Variants in ZDHHC14 observed in about 807,000 individuals in gnomAD.
ZDHHC14 encodes zDHHC palmitoyltransferase 14, also known as palmitoyltransferase ZDHHC14.
A neutral mutation model predicts 47.7 loss-of-function variants in ZDHHC14; 16 were observed. That is an observed-to-expected ratio of 0.34 (90% confidence interval 0.23 to 0.51). The LOEUF (loss-of-function observed/expected upper bound fraction) is 0.51, where lower values mean the gene tolerates loss of function less well. Ranked by LOEUF, ZDHHC14 falls within the 20% of genes least tolerant of loss-of-function variation. The probability of loss-of-function intolerance (pLI) is 0.97; values close to 1 mark genes in which losing one functional copy is unlikely to be tolerated. For missense variants in ZDHHC14, 515 were observed against 662.5 expected (o/e 0.78, Z 2.44); for synonymous variants, 293 against 278.9 (o/e 1.05, Z -0.50).
chr6:157,478,508 T>G (rs1779543414), intron 1 of ZDHHC14, among the ~76,000 whole-genome samples: 1 of 152,236 alleles, frequency 6.6e-6, no homozygotes, highest in African/African-American at 2.4e-5. Context: ...TTTCTTTACT[T>G]CTAATCATTT....
intron 3 of ZDHHC14, among the ~76,000 whole-genome samples, chr6:157,618,932 A>G (rs1785072342): frequency 6.6e-6 from 1 of 152,160 alleles, no homozygotes; most frequent in African/African-American, 2.4e-5. Context: ...AAATGAAACC[A>G]TCTTTTTTCA....
intron 1 of ZDHHC14, among the ~76,000 whole-genome samples, chr6:157,517,781 G>T (rs559828074): frequency 9.2e-5 from 14 of 152,230 alleles, no homozygotes; most frequent in Non-Finnish European, 1.5e-4. Context: ...CCATCTGGGC[G>T]CTGCCTGCAT....
intron 1 of ZDHHC14, among the ~76,000 whole-genome samples, chr6:157,532,721 A>G (rs1398560378): frequency 6.6e-6 from 1 of 152,222 alleles, no homozygotes; most frequent in Non-Finnish European, 1.5e-5. Context: ...TCTCAAATGT[A>G]TGATCCTCCA....
rs546683687 is a variant in ZDHHC14, at chr6:157,647,975, T to A, written c.965+607T>A. Among the ~76,000 whole-genome samples, 235 of 152,310 alleles carry A rather than the reference T, an allele frequency of 1.5e-3. 3 individuals are homozygous for A. The highest frequency in any genetic ancestry group is 5.5e-3 in the African/African-American group (227 of 41,564). On this transcript the variant is annotated intron_variant, in intron 7 of 8. Coordinates refer to ENST00000359775, the MANE Select transcript of ZDHHC14 (RefSeq NM_024630.3). Reference sequence around the variant, plus strand: ...AGGTAGGCACCGTTATATCCCATTCTATGGATGAGGAAAGTGAGGCACAGA... The same window carrying A: ...AGGTAGGCACCGTTATATCCCATTCAATGGATGAGGAAAGTGAGGCACAGA...
At chr6:157,541,918 G>A (rs1781781713) in intron 1 of ZDHHC14, among the ~76,000 whole-genome samples, 2 of 152,228 alleles carry the variant, frequency 1.3e-5, no homozygotes, top group South Asian at 4.1e-4. Context: ...TTCATCCATT[G>A]ATAGCTCAGA....
At chr6:157,513,631 TCATC>T (rs1780574387) in intron 1 of ZDHHC14, among the ~76,000 whole-genome samples, 1 of 152,258 alleles carries the variant, frequency 6.6e-6, no homozygotes, top group Non-Finnish European at 1.5e-5. Context: ...TACATTTACT[TCATC>T]CAGTCCGCAT....
At chr6:157,588,569 C>T (rs1207648485) in intron 2 of ZDHHC14, among the ~76,000 whole-genome samples, 1 of 152,228 alleles carries the variant, frequency 6.6e-6, no homozygotes, top group Admixed American at 6.5e-5. Flanking sequence ...GTGACAGCAG[C>T]CCTGCTTGGG....
At chr6:157,435,288 A>G (rs979063601) in intron 1 of ZDHHC14, among the ~76,000 whole-genome samples, 4 of 152,242 alleles carry the variant, frequency 2.6e-5, no homozygotes, top group Admixed American at 6.5e-5. Context: ...AGGTAAGTAT[A>G]GAAATCCGAG....
At chr6:157,645,636 A>T in intron 5 of ZDHHC14, 101 bp from the exon 6 acceptor site, 1 of 859,648 alleles carries the variant, frequency 1.2e-6, no homozygotes, top group Non-Finnish European at 1.8e-6. Context: ...GCCAGCAACT[A>T]GAGAGAGGCC....
chr6:157,414,199 C>T (rs1777927188), intron 1 of ZDHHC14, among the ~76,000 whole-genome samples: 1 of 152,296 alleles, frequency 6.6e-6, no homozygotes, highest in Admixed American at 6.5e-5. Context: ...CCTTTGATTA[C>T]AGGCGTGCAC....
At chr6:157,437,737 G>A (rs966009394) in intron 1 of ZDHHC14, among the ~76,000 whole-genome samples, 3 of 152,104 alleles carry the variant, frequency 2.0e-5, no homozygotes, top group East Asian at 1.9e-4. Flanking sequence ...TGATTGCTAC[G>A]GGATAATAAA....
intron 2 of ZDHHC14, among the ~76,000 whole-genome samples, chr6:157,570,752 C>CACACACACACACACATATATAT (rs1562486244): frequency 8.0e-6 from 1 of 125,138 alleles, no homozygotes; most frequent in African/African-American, 3.5e-5. Flanking sequence ...TATGTATATA[C>CACACACACACACACATATATAT]ATACACACAC....
chr6:157,422,539 C>T (rs1778132596), intron 1 of ZDHHC14, among the ~76,000 whole-genome samples: 1 of 152,172 alleles, frequency 6.6e-6, no homozygotes, highest in African/African-American at 2.4e-5. Context: ...GTGGGAAGAC[C>T]ATCAGTGGCA....
At chr6:157,588,391 C>T (rs1783774612) in intron 2 of ZDHHC14, among the ~76,000 whole-genome samples, 1 of 151,054 alleles carries the variant, frequency 6.6e-6, no homozygotes, top group African/African-American at 2.4e-5. Context: ...CCTGGGAGGT[C>T]AAGGCTACAG....
At chr6:157,403,722 G>A (rs1394412003) in intron 1 of ZDHHC14, among the ~76,000 whole-genome samples, 2 of 152,264 alleles carry the variant, frequency 1.3e-5, no homozygotes, top group Non-Finnish European at 2.9e-5. Context: ...GCTGAGCAGA[G>A]CTCATTAGCT....
At chr6:157,631,357 C>T (rs1356148750) in intron 4 of ZDHHC14, 1 of 152,216 alleles carries the variant, frequency 6.6e-6, no homozygotes, top group African/African-American at 2.4e-5. Flanking sequence ...AATTTACCTG[C>T]CTGCAAGTTA....
intron 2 of ZDHHC14, among the ~76,000 whole-genome samples, chr6:157,566,319 T>G (rs1359227950): frequency 6.6e-6 from 1 of 151,952 alleles, no homozygotes. Flanking sequence ...AGGCTGGGGG[T>G]GTCTCTCAGT....
intron 1 of ZDHHC14, among the ~76,000 whole-genome samples, chr6:157,475,965 G>T (rs181335): frequency 1.3e-5 from 2 of 151,836 alleles, no homozygotes; most frequent in Admixed American, 6.6e-5. Flanking sequence ...AGTCCTAAGA[G>T]GGAAGTTTAT....
chr6:157,407,277 C>G (rs1777783339), intron 1 of ZDHHC14, among the ~76,000 whole-genome samples: 1 of 152,158 alleles, frequency 6.6e-6, no homozygotes. Flanking sequence ...AGCCCCGCCC[C>G]TGGGAAGGGA....
Sources: gnomAD v4.1 joint callset for allele counts (sites outside exome capture counted in the v4.1 genomes callset) on GRCh38, gnomAD v4.1.1 for gene constraint, MANE v1.5 for transcripts, NCBI Gene and HGNC (gene_info 2026-07-23, HGNC 2026-07-21) for gene names.